TMTC2: variants seen among roughly 807,000 people sequenced by gnomAD.
TMTC2 encodes the protein protein O-mannosyl-transferase TMTC2.
TMTC2 carries 43 observed loss-of-function variants against 82.4 expected under a neutral mutation model. That is an observed-to-expected ratio of 0.52 (90% CI 0.41 to 0.67). The LOEUF (loss-of-function observed/expected upper bound fraction) is 0.67. Ranked by LOEUF, TMTC2 falls within the 30% of genes least tolerant of loss-of-function variation. The pLI is 0.00. For missense variants in TMTC2, 919 were observed against 1,012.4 expected (o/e 0.91, Z 1.25); for synonymous variants, 408 against 381.9 (o/e 1.07, Z -0.80).
intron 1 of TMTC2, among the ~76,000 whole-genome samples, chr12:82,809,697 T>C (rs1879400291): frequency 6.6e-6 from 1 of 152,134 alleles, no homozygotes; most frequent in Non-Finnish European, 1.5e-5. Context: ...GAGCAGATTC[T>C]GTGTATGCAA....
chr12:82,778,564 A>T (rs532722671), intron 1 of TMTC2, among the ~76,000 whole-genome samples: 8 of 151,350 alleles, frequency 5.3e-5, no homozygotes, highest in African/African-American at 1.9e-4. Context: ...AAATGCAAAA[A>T]ATCGGCCGGG....
intron 8 of TMTC2, among the ~76,000 whole-genome samples, chr12:83,028,424 TAC>T (rs1443066796): frequency 2.6e-5 from 4 of 152,176 alleles, no homozygotes; most frequent in South Asian, 2.1e-4. Flanking sequence ...CAACCCCAGA[TAC>T]ACAGTTTCCC....
intron 1 of TMTC2, among the ~76,000 whole-genome samples, chr12:82,801,250 G>T (rs1255546680): frequency 6.6e-6 from 1 of 152,102 alleles, no homozygotes; most frequent in Non-Finnish European, 1.5e-5. Context: ...AAGGCGGTGT[G>T]TCCGGAGTTT....
intron 11 of TMTC2, among the ~76,000 whole-genome samples, chr12:83,125,898 T>G (rs2137567752): frequency 6.6e-6 from 1 of 152,292 alleles, no homozygotes; most frequent in African/African-American, 2.4e-5. Context: ...TGAAAAGCAA[T>G]TTGGTAATAG....
At chr12:82,965,244 A>G (rs887313268) in intron 5 of TMTC2, 135 bp downstream of exon 5, 9 of 680,472 alleles carry the variant, frequency 1.3e-5, no homozygotes, top group Non-Finnish European at 2.0e-5. Flanking sequence ...TGAACCTCTA[A>G]CAATTATATC....
At chr12:82,991,269 A>G (rs1360801016) in intron 8 of TMTC2, among the ~76,000 whole-genome samples, 2 of 152,110 alleles carry the variant, frequency 1.3e-5, no homozygotes, top group African/African-American at 2.4e-5. Context: ...TATGTGATTA[A>G]ACTGATTGGA....
chr12:82,965,996 T>G (rs891451337), intron 6 of TMTC2: 5 of 531,054 alleles, frequency 9.4e-6, no homozygotes, highest in Non-Finnish European at 1.0e-5. Flanking sequence ...AGAGCAATTA[T>G]GGTATGTCAA....
intron 1 of TMTC2, among the ~76,000 whole-genome samples, chr12:82,709,153 C>T (rs947571062): frequency 6.6e-6 from 1 of 150,390 alleles, no homozygotes. Flanking sequence ...ATCTTCTGTA[C>T]TTTTTGAGAC....
At chr12:82,859,524 C>T (rs1435691485) in intron 2 of TMTC2, among the ~76,000 whole-genome samples, 1 of 152,198 alleles carries the variant, frequency 6.6e-6, no homozygotes, top group Non-Finnish European at 1.5e-5. Flanking sequence ...CACTGCAGTA[C>T]TCCTTCCTAG....
intron 1 of TMTC2, among the ~76,000 whole-genome samples, chr12:82,797,863 G>T (rs868819547): frequency 1.8e-4 from 28 of 151,564 alleles, no homozygotes; most frequent in South Asian, 4.2e-4. Context: ...ACCATGAATG[G>T]CTCTAAAATT....
intron 4 of TMTC2, among the ~76,000 whole-genome samples, chr12:82,945,708 T>A (rs1876956376): frequency 2.0e-5 from 3 of 152,232 alleles, no homozygotes; most frequent in Non-Finnish European, 2.9e-5. Flanking sequence ...AATTTATTTG[T>A]GTAGTTCCAA....
chr12:82,912,414 T>A (rs1874728155), intron 3 of TMTC2, among the ~76,000 whole-genome samples: 1 of 151,358 alleles, frequency 6.6e-6, no homozygotes, highest in African/African-American at 2.4e-5. Context: ...TCTTCTTACC[T>A]CTCCTTGCTT....
chr12:82,927,717 C>A (rs1457225495), intron 3 of TMTC2, among the ~76,000 whole-genome samples: 2 of 152,206 alleles, frequency 1.3e-5, no homozygotes, highest in Non-Finnish European at 2.9e-5. Context: ...CCTTCAGCAA[C>A]CATCACCCTT....
At chr12:83,026,225 A>G (rs923079228) in intron 8 of TMTC2, among the ~76,000 whole-genome samples, 2 of 152,176 alleles carry the variant, frequency 1.3e-5, no homozygotes, top group Admixed American at 6.5e-5. Context: ...ATTAGAAGCT[A>G]TGTATCAGGA....
At chr12:82,795,325 A>AC (rs1488157805) in intron 1 of TMTC2, among the ~76,000 whole-genome samples, 2 of 151,274 alleles carry the variant, frequency 1.3e-5, no homozygotes, top group East Asian at 1.9e-4. Flanking sequence ...AAAAAAAAAA[A>AC]AAAAGAAGTT....
At chr12:82,832,153 G>A (rs764856583) in intron 1 of TMTC2, among the ~76,000 whole-genome samples, 6 of 151,856 alleles carry the variant, frequency 4.0e-5, no homozygotes, top group Admixed American at 1.3e-4. Context: ...TTCTTTTCAC[G>A]GACTCAAACA....
intron 1 of TMTC2, among the ~76,000 whole-genome samples, chr12:82,739,998 A>G (rs76571259): frequency 0.051 from 7,701 of 152,094 alleles, 272 homozygotes; most frequent in Middle Eastern, 0.092. Context: ...TCTGGGTAGT[A>G]GTCAGTATGT....
intron 2 of TMTC2, among the ~76,000 whole-genome samples, chr12:82,861,647 T>C (rs1345453423): frequency 1.3e-5 from 2 of 152,222 alleles, no homozygotes; most frequent in Non-Finnish European, 2.9e-5. Flanking sequence ...GTGCTAAAGA[T>C]GTTAACTTAT....
intron 4 of TMTC2, among the ~76,000 whole-genome samples, chr12:82,954,396 T>G (rs976804713): frequency 6.6e-6 from 1 of 152,216 alleles, no homozygotes; most frequent in Admixed American, 6.5e-5. Flanking sequence ...TGTGATTGTT[T>G]GCTTGTCTGT....
Sources: allele counts gnomAD v4.1 joint callset (sites outside exome capture counted in the v4.1 genomes callset), GRCh38; gene constraint gnomAD v4.1.1; transcripts MANE v1.5; gene names NCBI Gene and HGNC (gene_info 2026-07-23, HGNC 2026-07-21).